The following AKT3 variants were observed in gnomAD, a reference collection of about 807,000 sequenced individuals.
The protein encoded by AKT3 is AKT serine/threonine kinase 3.
In AKT3, 15 loss-of-function variants were observed where a neutral mutation model predicts 65.3. That is an observed-to-expected ratio of 0.23 (90% CI 0.15 to 0.35). The LOEUF (loss-of-function observed/expected upper bound fraction) is 0.35, where lower values mean the gene tolerates loss of function less well. Among genes scored for constraint, AKT3 ranks in the 10% least tolerant of loss-of-function variants. The probability of loss-of-function intolerance (pLI) is 1.00; values close to 1 mark genes in which losing one functional copy is unlikely to be tolerated. For missense variants in AKT3, 243 were observed against 576.5 expected (o/e 0.42, Z 5.92); for synonymous variants, 206 against 183.8 (o/e 1.12, Z -0.98).
intron 2 of AKT3, among the ~76,000 whole-genome samples, chr1:243,780,014 A>C (rs1558803729): frequency 6.6e-6 from 1 of 152,146 alleles, no homozygotes; most frequent in Non-Finnish European, 1.5e-5. Context: ...TGAAAAAGGA[A>C]TGTCAGAATT....
chr1:243,583,002 A>G (rs1305446479), intron 8 of AKT3, among the ~76,000 whole-genome samples: 1 of 144,176 alleles, frequency 6.9e-6, no homozygotes, highest in Non-Finnish European at 1.5e-5. Flanking sequence ...ACAGCAGTTA[A>G]AAAAAAAAAA....
At chr1:243,597,558 C>T (rs1317142417) in intron 8 of AKT3, among the ~76,000 whole-genome samples, 1 of 152,122 alleles carries the variant, frequency 6.6e-6, no homozygotes, top group Non-Finnish European at 1.5e-5. Context: ...GGCTGAAGTG[C>T]AGTCGCATGA....
intron 6 of AKT3, among the ~76,000 whole-genome samples, chr1:243,631,582 C>A (rs1679616182): frequency 6.6e-6 from 1 of 152,180 alleles, no homozygotes; most frequent in South Asian, 2.1e-4. Context: ...AGCCACCATG[C>A]CCAGCGTGGC....
chr1:243,808,286 A>G (rs1323146669), intron 2 of AKT3: 3 of 152,176 alleles, frequency 2.0e-5, no homozygotes, highest in Non-Finnish European at 2.9e-5. Context: ...CCTTGAAAAA[A>G]GATTAGATGA....
intron 2 of AKT3, among the ~76,000 whole-genome samples, chr1:243,791,152 C>A (rs1337325684): frequency 6.6e-6 from 1 of 152,062 alleles, no homozygotes; most frequent in Non-Finnish European, 1.5e-5. Context: ...ACAAGCTAGG[C>A]CTGTACTTTA....
At chr1:243,545,947 A>G (rs1309244301) in intron 11 of AKT3, among the ~76,000 whole-genome samples, 1 of 152,124 alleles carries the variant, frequency 6.6e-6, no homozygotes, top group Non-Finnish European at 1.5e-5. Context: ...GGGTCACTGC[A>G]AGGGTTAGAA....
intron 2 of AKT3, among the ~76,000 whole-genome samples, chr1:243,832,076 T>G (rs1055532110): frequency 8.3e-6 from 1 of 120,510 alleles, no homozygotes; most frequent in Middle Eastern, 6.3e-3. Flanking sequence ...AGGCCAGGAG[T>G]TGGAGATCAG....
At chr1:243,790,248 A>C (rs976170260) in intron 2 of AKT3, among the ~76,000 whole-genome samples, 2 of 152,212 alleles carry the variant, frequency 1.3e-5, no homozygotes, top group Non-Finnish European at 2.9e-5. Context: ...GTCTACACTG[A>C]AAATCTATTG....
chr1:243,721,162 C>T (rs1686873578), intron 2 of AKT3, among the ~76,000 whole-genome samples: 1 of 152,152 alleles, frequency 6.6e-6, no homozygotes, highest in Non-Finnish European at 1.5e-5. Context: ...CTCTAACCTT[C>T]CCCTCACCTT....
intron 8 of AKT3, among the ~76,000 whole-genome samples, chr1:243,594,058 A>G (rs1676427707): frequency 6.6e-6 from 1 of 152,230 alleles, no homozygotes; most frequent in Admixed American, 6.5e-5. Context: ...TTTCAAAGAA[A>G]TTTAGAAAAA....
At chr1:243,537,667 C>T (rs962762190) in intron 12 of AKT3, among the ~76,000 whole-genome samples, 3 of 152,118 alleles carry the variant, frequency 2.0e-5, no homozygotes, top group African/African-American at 7.2e-5. Flanking sequence ...CCAGTTGCTG[C>T]GTGTCATTTC....
intron 2 of AKT3, among the ~76,000 whole-genome samples, chr1:243,719,931 A>C (rs191561579): frequency 1.1e-3 from 162 of 152,340 alleles, no homozygotes; most frequent in East Asian, 1.5e-3. Context: ...AATCTCTGCT[A>C]CACTGAACAT....
intron 2 of AKT3, among the ~76,000 whole-genome samples, chr1:243,724,993 A>C (rs1687121360): frequency 6.6e-6 from 1 of 151,888 alleles, no homozygotes; most frequent in Admixed American, 6.6e-5. Context: ...ACTTGAGGCC[A>C]GGAGTCCAGG....
At chr1:243,515,234 A>T (rs2148370947) in intron 12 of AKT3, among the ~76,000 whole-genome samples, 1 of 152,314 alleles carries the variant, frequency 6.6e-6, no homozygotes, top group Non-Finnish European at 1.5e-5. Context: ...GCAATTACAA[A>T]CAAAATTGCT....
intron 2 of AKT3, among the ~76,000 whole-genome samples, chr1:243,757,311 AT>A (rs1689198268): frequency 6.6e-6 from 1 of 152,214 alleles, no homozygotes; most frequent in South Asian, 2.1e-4. Flanking sequence ...TCACTCTCAA[AT>A]GGTTCATTAG....
intron 2 of AKT3, among the ~76,000 whole-genome samples, chr1:243,779,507 G>C (rs935924868): frequency 7.2e-5 from 11 of 152,046 alleles, no homozygotes; most frequent in Non-Finnish European, 1.5e-4. Context: ...TAAGGTTCCA[G>C]GGGACAAGCA....
intron 11 of AKT3, among the ~76,000 whole-genome samples, chr1:243,547,768 A>G (rs1672774759): frequency 6.6e-6 from 1 of 152,206 alleles, no homozygotes; most frequent in African/African-American, 2.4e-5. Context: ...TTGACACACA[A>G]TTAAAATGGA....
intron 6 of AKT3, among the ~76,000 whole-genome samples, chr1:243,634,343 G>GT (rs1168924932): frequency 6.6e-6 from 1 of 151,792 alleles, no homozygotes; most frequent in Non-Finnish European, 1.5e-5. Flanking sequence ...CATATACTGT[G>GT]TTTTTTTCCT....
intron 3 of AKT3, among the ~76,000 whole-genome samples, chr1:243,677,959 G>A (rs1009006565): frequency 2.0e-5 from 3 of 151,944 alleles, no homozygotes; most frequent in Non-Finnish European, 4.4e-5. Context: ...GTGGTGGCGG[G>A]TGCCTGTAAT....
Sources: gnomAD v4.1 joint callset for allele counts (sites outside exome capture counted in the v4.1 genomes callset) on GRCh38, gnomAD v4.1.1 for gene constraint, MANE v1.5 for transcripts, NCBI Gene and HGNC (gene_info 2026-07-23, HGNC 2026-07-21) for gene names.